The following ITSN2 variants were observed in gnomAD, a reference collection of about 807,000 sequenced individuals.
The protein encoded by ITSN2 is intersectin 2.
A neutral mutation model predicts 243.7 loss-of-function variants in ITSN2; 156 were observed. That is an observed-to-expected ratio of 0.64 (90% CI 0.56 to 0.73). The LOEUF (loss-of-function observed/expected upper bound fraction) is 0.73, where lower values mean the gene tolerates loss of function less well. ITSN2 is among the 30% of genes least tolerant of loss of function. The pLI, the probability that ITSN2 is intolerant of heterozygous loss-of-function variation, is 0.00. For missense variants in ITSN2, 1,801 were observed against 1,996.1 expected (o/e 0.90, Z 1.86); for synonymous variants, 703 against 699.9 (o/e 1.00, Z -0.07).
At chr2:24,242,499 T>A (rs573458310) in intron 29 of ITSN2, among the ~76,000 whole-genome samples, 1 of 152,306 alleles carries the variant, frequency 6.6e-6, no homozygotes, top group East Asian at 1.9e-4. Context: ...TCGTATCTAT[T>A]CCTGACTTTA....
intron 1 of ITSN2, among the ~76,000 whole-genome samples, chr2:24,352,187 C>A (rs1232053518): frequency 6.6e-6 from 1 of 152,122 alleles, no homozygotes; most frequent in Non-Finnish European, 1.5e-5. Flanking sequence ...GTATTCCTTG[C>A]AGACAAGCAA....
chr2:24,330,703 TTCTGGTGACAG>T, intron 1 of ITSN2: 1 of 677,216 alleles, frequency 1.5e-6, no homozygotes, highest in Non-Finnish European at 2.7e-6. Context: ...AACTGTGTAC[TTCTGGTGACAG>T]TAGTTTGAAA....
intron 20 of ITSN2, among the ~76,000 whole-genome samples, chr2:24,270,099 C>T (rs963406251): frequency 4.6e-5 from 7 of 152,026 alleles, no homozygotes; most frequent in Non-Finnish European, 8.8e-5. Flanking sequence ...TGGCTAGATA[C>T]TCTGGCTAGA....
At chr2:24,323,287 C>G (rs758202671) in intron 2 of ITSN2, among the ~76,000 whole-genome samples, 2 of 152,096 alleles carry the variant, frequency 1.3e-5, no homozygotes, top group Non-Finnish European at 2.9e-5. Flanking sequence ...ATGGTTATAG[C>G]AGATTTAGTC....
In ITSN2 at chr2:24,298,768, C is replaced by A. The variant is rs938940108; in HGVS notation, c.1391G>T (p.Arg464Ile). 1 of 1,612,186 alleles carries A rather than the reference C, an allele frequency of 6.2e-7. No individual in the cohort carries two copies. The highest frequency in any genetic ancestry group is 8.5e-7 in the Non-Finnish European group (1 of 1,179,332). ...ATTGAGAAGCTCCTGTCGCCGAATT[C>A]TCTCCCATTCTAAGCGACGTTGTCG... is the stretch of plus-strand genomic sequence containing the variant. Reference protein sequence around the residue: ...LERQRRLEWERIRRQELLNQK... With the variant: ...LERQRRLEWEIIRRQELLNQK... The change falls in exon 13 of 40, where the codon AGA becomes ATA. Residue 464 changes from arginine to isoleucine, a missense_variant. Coordinates refer to ENST00000355123, the MANE Select transcript of ITSN2 (RefSeq NM_006277.3).
chr2:24,314,472 C>T (rs1007191491), intron 3 of ITSN2, among the ~76,000 whole-genome samples: 4 of 152,148 alleles, frequency 2.6e-5, no homozygotes, highest in African/African-American at 9.7e-5. Context: ...CTCAGTTTCA[C>T]TATTTGTAAA....
At chr2:24,361,355 C>G (rs1474934613), upstream of ITSN2, among the ~76,000 whole-genome samples, 3 of 152,110 alleles carry the variant, frequency 2.0e-5, no homozygotes, top group Non-Finnish European at 2.9e-5. Flanking sequence ...TCCCAAAACC[C>G]CAAAGGTTTG....
chr2:24,254,444 T>TACAC lies in ITSN2; in HGVS notation c.2889-14_2889-13insGTGT. 3.8e-6 allele frequency: 6 copies of TACAC among 1,588,460 alleles called. No individual in the cohort carries two copies. Among genetic ancestry groups the TACAC allele is most frequent in the Non-Finnish European group, 5.2e-6 (6 of 1,157,756 alleles). On this transcript the variant is annotated splice_polypyrimidine_tract_variant and intron_variant, in intron 23 of 39. Coordinates refer to ENST00000355123, the MANE Select transcript of ITSN2 (RefSeq NM_006277.3). Reference sequence around the variant, plus strand: ...CAAAGCTTCTGGTCTACCAAATATATAAACAAACAAACAAACAAACAAACA... The same window carrying TACAC: ...CAAAGCTTCTGGTCTACCAAATATATACACAAACAAACAAACAAACAAACAAACA...
At chr2:24,303,771 A>G in intron 9 of ITSN2, 28 bp downstream of exon 9, 1 of 1,397,766 alleles carries the variant, frequency 7.2e-7, no homozygotes, top group Non-Finnish European at 1.0e-6. Flanking sequence ...AGTTAAATTA[A>G]TCAAATGTAA....
In ITSN2 at chr2:24,212,713, G is replaced by A. The variant is rs2151109270; in HGVS notation, c.4026C>T (p.Pro1342=). The change falls in exon 33 of 40, where the codon CCC becomes CCT. Residue 1342 remains proline, a synonymous_variant. Coordinates refer to ENST00000355123, the MANE Select transcript of ITSN2 (RefSeq NM_006277.3). ...TGGGTTTCAGCAGGAAGCTGGAGAG[G>A]GGCATTCCTTTACACCGCGGGTCAG... ...LASDPRCKGM[P]LSSFLLKPMQ... 8 of 1,614,030 alleles carry A rather than the reference G, an allele frequency of 5.0e-6. No individual in the cohort carries two copies. Among genetic ancestry groups the A allele is most frequent in the African/African-American group, 1.3e-5 (1 of 75,024 alleles).
At chr2:24,259,806 T>C (rs1675568112) in intron 22 of ITSN2, among the ~76,000 whole-genome samples, 1 of 152,220 alleles carries the variant, frequency 6.6e-6, no homozygotes, top group Non-Finnish European at 1.5e-5. Context: ...ATCTCTTCTA[T>C]ATATACCCCC....
At chr2:24,279,905 T>C (rs1428299298) in intron 17 of ITSN2, among the ~76,000 whole-genome samples, 1 of 151,918 alleles carries the variant, frequency 6.6e-6, no homozygotes, top group Non-Finnish European at 1.5e-5. Flanking sequence ...GCTAATTTTT[T>C]GTATTTTTAG....
At chr2:24,334,511 C>A in intron 1 of ITSN2, 1 of 745,030 alleles carries the variant, frequency 1.3e-6, no homozygotes, top group Non-Finnish European at 2.4e-6. Flanking sequence ...CTCATGCAAA[C>A]ATGGTGAACA....
intron 1 of ITSN2, among the ~76,000 whole-genome samples, chr2:24,359,478 C>G (rs928574456): frequency 7.9e-5 from 12 of 152,146 alleles, no homozygotes; most frequent in African/African-American, 2.9e-4. Context: ...AGTATTAACA[C>G]AAGTTTCAAA....
rs1558650744 is a variant in ITSN2, at chr2:24,337,340, A to ATATATATATATATG, written c.-33-9239_-33-9226dup. Among the ~76,000 whole-genome samples, 31 of 112,350 alleles carry ATATATATATATATG rather than the reference A, an allele frequency of 2.8e-4. 3 individuals are homozygous for ATATATATATATATG. Among genetic ancestry groups the ATATATATATATATG allele is most frequent in the Non-Finnish European group, 5.3e-4 (29 of 55,086 alleles). 73.7% of individuals were successfully genotyped at this position (112,350 alleles called of 152,430 possible). A position where few individuals can be genotyped will look rare whatever the true frequency, so the allele number is the denominator to read the frequency against. ...AATATATATATATATATATATATAT[A>ATATATATATATATG]TATATATATATATGTAATTTTTTTT... On this transcript the variant is annotated intron_variant, in intron 1 of 39. Transcript: ENST00000355123.
chr2:24,293,589 A>G, intron 15 of ITSN2, 99 bp downstream of exon 15: 1 of 512,850 alleles, frequency 1.9e-6, no homozygotes, highest in Non-Finnish European at 3.5e-6. Flanking sequence ...AGTGTTATTT[A>G]TAACAGAATA....
intron 27 of ITSN2, 123 bp downstream of exon 27, chr2:24,248,506 T>C (rs962372828): frequency 1.5e-6 from 1 of 675,412 alleles, no homozygotes; most frequent in Admixed American, 3.2e-5. Context: ...AAAATATTGA[T>C]ATTGATTACC....
chr2:24,341,078 T>C (rs1323170933), intron 1 of ITSN2, among the ~76,000 whole-genome samples: 2 of 152,170 alleles, frequency 1.3e-5, no homozygotes, highest in African/African-American at 4.8e-5. Context: ...GTCAGCTAAA[T>C]GTGGAAGATG....
In ITSN2 at chr2:24,252,461, A is replaced by C; in HGVS notation, c.3004T>G (p.Phe1002Val). 6.2e-7 allele frequency: 1 copy of C among 1,612,882 alleles called. No individual in the cohort carries two copies. Among genetic ancestry groups the C allele is most frequent in the South Asian group, 1.1e-5 (1 of 91,044 alleles). The change falls in exon 25 of 40, where the codon TTC becomes GTC. Residue 1002 changes from phenylalanine (F) to valine (V), a missense_variant. Transcript: ENST00000355123. ...YSSVEPGDLT[F>V]TEGEEILVTQ... ...ACCAATATTTCTTCACCTTCTGTGA[A>C]AGTCAAATCTCCAGGTTCCACACTT...
Sources: gnomAD v4.1 joint callset for allele counts (sites outside exome capture counted in the v4.1 genomes callset) on GRCh38, gnomAD v4.1.1 for gene constraint, MANE v1.5 for transcripts, NCBI Gene and HGNC (gene_info 2026-07-23, HGNC 2026-07-21) for gene names.